The following BTBD8 variants were observed in gnomAD, a reference collection of about 807,000 sequenced individuals.
BTBD8 encodes BTB domain containing 8.
BTBD8 carries 110 observed loss-of-function variants against 162.9 expected under a neutral mutation model. The observed-to-expected ratio is 0.68, with a 90% CI of 0.58 to 0.79. BTBD8 has a LOEUF of 0.79. Ranked by LOEUF, BTBD8 falls within the 30% of genes least tolerant of loss-of-function variation. The pLI, the probability that BTBD8 is intolerant of heterozygous loss-of-function variation, is 0.00. For missense variants in BTBD8, 1,905 were observed against 2,085.4 expected, an observed-to-expected ratio of 0.91 and a Z score of 1.68; for synonymous variants, 667 against 716.1, an observed-to-expected ratio of 0.93 and a Z score of 1.10.
At chr1:92,127,808 GC>G (rs141416286) in intron 4 of BTBD8, among the ~76,000 whole-genome samples, 2,204 of 152,206 alleles carry the variant, frequency 0.014, 60 homozygotes, top group African/African-American at 0.051. Context: ...TGATCCGCCC[GC>G]CATGGCCTCC....
intron 11 of BTBD8, 151 bp from the exon 12 acceptor site, chr1:92,168,715 C>A: frequency 1.5e-6 from 1 of 651,014 alleles, no homozygotes; most frequent in African/African-American, 1.9e-5. Flanking sequence ...ATTAATAAGT[C>A]TTCATAAATA....
At chr1:92,146,631 C>G (rs1649928637) in intron 7 of BTBD8, among the ~76,000 whole-genome samples, 1 of 152,170 alleles carries the variant, frequency 6.6e-6, no homozygotes, top group Non-Finnish European at 1.5e-5. Flanking sequence ...CCCATTAACC[C>G]CCAGCAACCA....
At chr1:92,172,336 T>C (rs1328686931) in intron 13 of BTBD8, among the ~76,000 whole-genome samples, 1 of 152,224 alleles carries the variant, frequency 6.6e-6, no homozygotes, top group East Asian at 1.9e-4. Flanking sequence ...TTTTCTGTTG[T>C]GCAACGAAGT....
At chr1:92,123,866 G>T (rs914853737) in intron 4 of BTBD8, among the ~76,000 whole-genome samples, 1 of 144,742 alleles carries the variant, frequency 6.9e-6, no homozygotes, top group South Asian at 2.2e-4. Context: ...TTTTGCTTTT[G>T]TCTGGCTGGC....
chr1:92,107,232 T>G (rs1465418531), intron 3 of BTBD8, among the ~76,000 whole-genome samples: 2 of 152,086 alleles, frequency 1.3e-5, no homozygotes, highest in South Asian at 2.1e-4. Context: ...AATTAAAAAT[T>G]AGAAAAAGAT....
chr1:92,085,796 G>C (rs934735109), intron 1 of BTBD8, among the ~76,000 whole-genome samples: 5 of 152,208 alleles, frequency 3.3e-5, no homozygotes, highest in Admixed American at 2.0e-4. Flanking sequence ...GGAAGGCTGA[G>C]GGGGATGGAT....
At chr1:92,149,513 T>C (rs979979613) in intron 9 of BTBD8, among the ~76,000 whole-genome samples, 1 of 152,200 alleles carries the variant, frequency 6.6e-6, no homozygotes, top group African/African-American at 2.4e-5. Context: ...TGACAAGATG[T>C]TGACTCTGTA....
At position 92,147,297 on chromosome 1, in the gene BTBD8, A is replaced by G. The variant is rs370951661; in HGVS notation, c.1019+29A>G. 169 of 1,536,814 alleles carry G rather than the reference A, an allele frequency of 1.1e-4. 1 individual carries two copies. In the African/African-American group the frequency reaches 1.8e-3, roughly 16 times the overall value. ...AGTTATGTTAAGTAGTGCTGATACT[A>G]TTAATTTAGGGATTTTGTTTTTCTG... is the stretch of plus-strand genomic sequence containing the variant. On this transcript the variant is annotated intron_variant, in intron 8 of 17. Coordinates refer to ENST00000636805, the MANE Select transcript of BTBD8 (RefSeq NM_001376131.1).
intron 2 of BTBD8, among the ~76,000 whole-genome samples, chr1:92,100,621 T>A (rs1648565229): frequency 6.6e-6 from 1 of 152,010 alleles, no homozygotes. Context: ...TTATTATTAT[T>A]ATTTTTGAGA....
chr1:92,107,174 T>G (rs541856377), intron 3 of BTBD8, among the ~76,000 whole-genome samples: 4 of 152,096 alleles, frequency 2.6e-5, no homozygotes, highest in East Asian at 1.9e-4. Flanking sequence ...AGAAGAAACA[T>G]AGAGATTAGA....
intron 14 of BTBD8, 32 bp from the exon 15 acceptor site, chr1:92,177,779 T>G (rs1451732226): frequency 1.6e-5 from 20 of 1,234,236 alleles, no homozygotes; most frequent in Non-Finnish European, 1.6e-5. Flanking sequence ...TAATGTATTC[T>G]CTCTTATGAC....
chr1:92,155,958 C>T (rs1557459084), intron 9 of BTBD8, among the ~76,000 whole-genome samples: 2 of 152,000 alleles, frequency 1.3e-5, no homozygotes, highest in African/African-American at 4.8e-5. Flanking sequence ...TTAGGGCTTC[C>T]AGGACTATGT....
At position 92,177,748 on chromosome 1, in the gene BTBD8, C is replaced by T. The variant is rs190772629; in HGVS notation, c.2354-63C>T. ...TTGTTTATAGTGTCTAACCAGTAAA[C>T]TTACACGTTTGTTACATATTTAATG... On this transcript the variant is annotated intron_variant, in intron 14 of 17. Transcript: ENST00000636805. 3.0e-3 allele frequency: 3,020 copies of T among 1,023,690 alleles called. 40 individuals are homozygous for T. Among genetic ancestry groups the T allele is most frequent in the Non-Finnish European group, 1.2e-3 (800 of 673,842 alleles). The allele number at this position is 1,023,690 out of a possible 1,614,324, so 63.4% of individuals were successfully genotyped here. A position where few individuals can be genotyped will look rare whatever the true frequency, so the allele number is the denominator to read the frequency against.
intron 4 of BTBD8, among the ~76,000 whole-genome samples, chr1:92,119,243 T>A (rs565844626): frequency 6.6e-6 from 1 of 151,958 alleles, no homozygotes; most frequent in African/African-American, 2.4e-5. Flanking sequence ...CACACTTAGC[T>A]TAATCACAAA....
intron 7 of BTBD8, among the ~76,000 whole-genome samples, chr1:92,144,810 TACACACAC>T (rs10631515): frequency 9.4e-4 from 132 of 140,798 alleles, no homozygotes; most frequent in Non-Finnish European, 1.7e-3. Context: ...AAAAAAAAAC[TACACACAC>T]ACACACACAC....
chr1:92,134,278 G>A (rs989858736), intron 5 of BTBD8, among the ~76,000 whole-genome samples: 4 of 152,176 alleles, frequency 2.6e-5, no homozygotes, highest in African/African-American at 4.8e-5. Flanking sequence ...TAAATGAGAT[G>A]TATTTTCTGT....
intron 5 of BTBD8, among the ~76,000 whole-genome samples, chr1:92,132,441 G>A (rs565126451): frequency 6.6e-6 from 1 of 152,162 alleles, no homozygotes; most frequent in Non-Finnish European, 1.5e-5. Context: ...CAGTGGGCAA[G>A]AAAGAAATAG....
intron 4 of BTBD8, among the ~76,000 whole-genome samples, chr1:92,110,930 C>T (rs1239081154): frequency 2.7e-5 from 4 of 150,704 alleles, no homozygotes; most frequent in Non-Finnish European, 1.5e-5. Context: ...ATTTGTTGCA[C>T]TTCTATGTTC....
chr1:92,097,375 C>T (rs141472968), intron 2 of BTBD8, among the ~76,000 whole-genome samples: 26 of 152,248 alleles, frequency 1.7e-4, no homozygotes, highest in African/African-American at 6.0e-4. Flanking sequence ...CTCCCATCTA[C>T]TCTTTTTTTA....
Sources: allele counts gnomAD v4.1 joint callset (sites outside exome capture counted in the v4.1 genomes callset), GRCh38; gene constraint gnomAD v4.1.1; transcripts MANE v1.5; gene names NCBI Gene and HGNC (gene_info 2026-07-23, HGNC 2026-07-21).